UBAC1: variants seen among roughly 807,000 people sequenced by gnomAD.
UBAC1 encodes UBA domain containing 1, also known as ubiquitin-associated domain-containing protein 1.
In UBAC1, 27 loss-of-function variants were observed where a neutral mutation model predicts 45.9. The observed-to-expected ratio is 0.59, with a 90% CI of 0.43 to 0.81. The LOEUF is 0.81. Among genes scored for constraint, UBAC1 ranks in the 30% least tolerant of loss-of-function variants. UBAC1 has a pLI of 0.00. For missense variants in UBAC1, 529 were observed against 539.2 expected (o/e 0.98, Z 0.19); for synonymous variants, 227 against 215.5 (o/e 1.05, Z -0.47).
chr9:135,948,261 G>A (rs1002846097), intron 3 of UBAC1, among the ~76,000 whole-genome samples: 4 of 152,236 alleles, frequency 2.6e-5, no homozygotes, highest in African/African-American at 7.2e-5. Flanking sequence ...CCAAAACCAC[G>A]AACTCATCTC....
intron 5 of UBAC1, 128 bp downstream of exon 5, chr9:135,946,141 C>A (rs1839331279): frequency 1.2e-5 from 12 of 1,023,564 alleles, no homozygotes; most frequent in Admixed American, 7.9e-5. Flanking sequence ...TGAGGCAGGC[C>A]CCAGGCCCTC....
At chr9:135,942,450 C>T (rs1325395913) in intron 7 of UBAC1, among the ~76,000 whole-genome samples, 1 of 152,118 alleles carries the variant, frequency 6.6e-6, no homozygotes, top group Non-Finnish European at 1.5e-5. Flanking sequence ...AGGAGTTCAA[C>T]ACCAGCCTGG....
chr9:135,937,494 G>A (rs1332200584), intron 9 of UBAC1, among the ~76,000 whole-genome samples: 1 of 144,390 alleles, frequency 6.9e-6, no homozygotes, highest in Non-Finnish European at 1.5e-5. Context: ...ACAACCCAAC[G>A]AGCCCTGGGT....
intron 3 of UBAC1, among the ~76,000 whole-genome samples, chr9:135,952,832 G>C (rs1203131135): frequency 6.6e-6 from 1 of 152,196 alleles, no homozygotes; most frequent in African/African-American, 2.4e-5. Flanking sequence ...TGTCATTTTG[G>C]CACTCAAAAA....
intron 1 of UBAC1, among the ~76,000 whole-genome samples, chr9:135,956,178 G>C (rs1328269636): frequency 6.6e-6 from 1 of 152,170 alleles, no homozygotes; most frequent in African/African-American, 2.4e-5. Flanking sequence ...AGCGCTCACG[G>C]GGGACCTGGG....
chr9:135,945,636 T>C, intron 6 of UBAC1: 1 of 564,744 alleles, frequency 1.8e-6, no homozygotes, highest in African/African-American at 1.9e-5. Flanking sequence ...TTAGAGGCCG[T>C]GTCCCTGCTA....
In UBAC1 at chr9:135,947,855, G is replaced by T. The variant is rs535522892; in HGVS notation, c.384C>A (p.Thr128=). The change falls in exon 4 of 10, where the codon ACC becomes ACA. Residue 128 remains threonine (T), a synonymous_variant. Transcript: ENST00000371756. ...APDKEAILRA[T]ANLPSYNMDR... is the part of the protein sequence containing the mutation. ...CCATGTTGTAGGAGGGCAGGTTGGC[G>T]GTGGCCCGCAGTATGGCCTCTTTAT... The T allele has an allele frequency of 6.2e-7, 1 of 1,614,162 alleles. No homozygotes were observed. Among genetic ancestry groups the T allele is most frequent in the African/African-American group, 1.3e-5 (1 of 75,076 alleles).
chr9:135,953,051 C>T (rs1839425733), intron 3 of UBAC1, among the ~76,000 whole-genome samples: 1 of 152,168 alleles, frequency 6.6e-6, no homozygotes, highest in African/African-American at 2.4e-5. Flanking sequence ...GGAACAGGAG[C>T]ACACGCAGGT....
At chr9:135,953,102 T>G (rs908131715) in intron 3 of UBAC1, among the ~76,000 whole-genome samples, 1 of 152,170 alleles carries the variant, frequency 6.6e-6, no homozygotes, top group East Asian at 1.9e-4. Context: ...TCACGCAGGA[T>G]GTGTCCCTAC....
intron 1 of UBAC1, among the ~76,000 whole-genome samples, chr9:135,958,619 C>A (rs970932260): frequency 6.6e-6 from 1 of 152,198 alleles, no homozygotes; most frequent in East Asian, 1.9e-4. Flanking sequence ...GGCGTCAGCA[C>A]GCACTGGGGA....
At position 135,933,514 on chromosome 9, in the gene UBAC1, T is replaced by C; in HGVS notation, c.1104A>G (p.Ala368=). ...LGLTNPKTLL[A]FEDMLENPLN... ...GTGGGTTCTCCAGCATGTCTTCAAA[T>C]GCTGCAGGGAAAACAGAGCCAGCCT... Residue 368 remains alanine (A), a splice_region_variant and synonymous_variant, in exon 10 of 10, where the codon GCA becomes GCG. Coordinates refer to ENST00000371756, the MANE Select transcript of UBAC1 (RefSeq NM_016172.3). 1.2e-6 allele frequency: 2 copies of C among 1,613,420 alleles called. No homozygotes were observed. Among genetic ancestry groups the C allele is most frequent in the East Asian group, 4.5e-5 (2 of 44,888 alleles).
Position 135,961,096 on chromosome 9 carries a change from C to G in UBAC1, c.67G>C (p.Gly23Arg). Residue 23 changes from glycine to arginine, a missense_variant, in exon 1 of 10, where the codon GGC becomes CGC. Physicochemically the swap from Gly to Arg is moderately radical, Grantham distance 125. Transcript: ENST00000371756. ...GTGGCCTCCTCCAGCCACTCGGCGC[C>G]GTCGGACGCGCAGATGTGCAGCCGC... Reference protein sequence around the residue: ...VLRLHICASDGAEWLEEATED... With the variant: ...VLRLHICASDRAEWLEEATED... 2.5e-6 allele frequency: 4 copies of G among 1,587,104 alleles called. No individual in the cohort carries two copies. The South Asian group carries it at 4.5e-5, about 18-fold the overall frequency.
At position 135,960,841 on chromosome 9, in the gene UBAC1, T is replaced by G. The variant is rs533360627; in HGVS notation, c.138+184A>C. Among the ~76,000 whole-genome samples the G allele has an allele frequency of 9.4e-4, 143 of 152,006 alleles. 2 individuals carry two copies. Among genetic ancestry groups the G allele is most frequent in the Non-Finnish European group, 1.6e-3 (109 of 67,952 alleles). On this transcript the variant is annotated intron_variant, in intron 1 of 9. Coordinates refer to ENST00000371756, the MANE Select transcript of UBAC1 (RefSeq NM_016172.3). ...GGGACGAGCGTCCAGAGGTGTGGGA[T>G]CCGAAAGGGGGAGAGTCGGGCAAAC...
Position 135,947,902 on chromosome 9 carries a change from T to G in UBAC1, c.337A>C (p.Lys113Gln). The G allele has an allele frequency of 6.2e-7, 1 of 1,613,630 alleles. No homozygotes were observed. Among genetic ancestry groups the G allele is most frequent in the Admixed American group, 1.7e-5 (1 of 59,928 alleles). ...TTATCTGGAGCTTTCTGGTCTTGTT[T>G]TTTCTACACAGAAACGTAATCAGAA... ...MADVSAEEKK[K>Q]QDQKAPDKEA... is the part of the protein sequence containing the mutation. The change falls in exon 4 of 10, where the codon AAA (lysine) becomes CAA (glutamine). Residue 113 changes from lysine to glutamine, a missense_variant. Physicochemically the swap from Lys to Gln is moderately conservative, Grantham distance 53. Coordinates refer to ENST00000371756, the MANE Select transcript of UBAC1 (RefSeq NM_016172.3).
intron 8 of UBAC1, among the ~76,000 whole-genome samples, chr9:135,939,115 T>C (rs1839235720): frequency 6.6e-6 from 1 of 151,242 alleles, no homozygotes; most frequent in African/African-American, 2.4e-5. Context: ...GGCAGGAGGA[T>C]CGCTTGGGCC....
chr9:135,954,283 G>A (rs991108393), intron 2 of UBAC1, among the ~76,000 whole-genome samples: 7 of 151,890 alleles, frequency 4.6e-5, no homozygotes, highest in East Asian at 1.9e-4. Context: ...CCATCTCTAC[G>A]AAAATATAAA....
chr9:135,945,455 C>G (rs1425065784), intron 6 of UBAC1: 6 of 538,042 alleles, frequency 1.1e-5, no homozygotes, highest in Non-Finnish European at 1.6e-5. Context: ...TGGGCAGAAT[C>G]AGAAGCCCAT....
intron 9 of UBAC1, among the ~76,000 whole-genome samples, chr9:135,934,543 C>T (rs1024474832): frequency 1.3e-5 from 2 of 152,108 alleles, no homozygotes; most frequent in African/African-American, 4.8e-5. Context: ...GCCTATAATC[C>T]CAGCTACTCG....
chr9:135,942,268 G>C (rs1564195764), intron 7 of UBAC1: 1 of 152,286 alleles, frequency 6.6e-6, no homozygotes, highest in East Asian at 1.9e-4. Flanking sequence ...AGGCTTCCAG[G>C]ATCAGATGTA....
Sources: allele counts gnomAD v4.1 joint callset (sites outside exome capture counted in the v4.1 genomes callset), GRCh38; gene constraint gnomAD v4.1.1; transcripts MANE v1.5; gene names NCBI Gene and HGNC (gene_info 2026-07-23, HGNC 2026-07-21).